Variants in SMYD3 observed in about 807,000 individuals in gnomAD.
The protein encoded by SMYD3 is histone-lysine N-methyltransferase SMYD3.
SMYD3 carries 36 observed loss-of-function variants against 57.7 expected under a neutral mutation model. The ratio of observed to expected loss-of-function variants is 0.62; its 90% CI spans 0.48 to 0.82. SMYD3 has a LOEUF of 0.82. Among genes scored for constraint, SMYD3 ranks in the 40% least tolerant of loss-of-function variants. The pLI, the probability that SMYD3 is intolerant of heterozygous loss-of-function variation, is 0.00. For missense variants in SMYD3, 515 were observed against 538.8 expected, an observed-to-expected ratio of 0.96 and a Z score of 0.44; for synonymous variants, 211 against 195.0, an observed-to-expected ratio of 1.08 and a Z score of -0.68.
At chr1:246,104,899 A>G (rs1188444661) in intron 5 of SMYD3, among the ~76,000 whole-genome samples, 1 of 152,200 alleles carries the variant, frequency 6.6e-6, no homozygotes, top group Non-Finnish European at 1.5e-5. Flanking sequence ...GCTGGAGAGC[A>G]GAGCAATGAA....
Position 246,304,042 on chromosome 1 carries a change from C to A in SMYD3, c.531+23159G>T, listed in dbSNP as rs527609722. On this transcript the variant is annotated intron_variant, in intron 5 of 11. Coordinates refer to ENST00000490107, the MANE Select transcript of SMYD3 (RefSeq NM_001167740.2). ...GGATATTCAATGATAGTCTACTAAC[C>A]TAAAAACAAAATATAACATCACAAA... 1.2e-4 allele frequency among the ~76,000 whole-genome samples: 18 copies of A among 152,176 alleles called. No individual in the cohort carries two copies. The South Asian group carries it at 3.5e-3, about 30-fold the overall frequency.
chr1:246,395,619 T>C (rs61839769), intron 1 of SMYD3, among the ~76,000 whole-genome samples: 1 of 28,598 alleles, frequency 3.5e-5, no homozygotes. Flanking sequence ...CCACCATGGC[T>C]GGACAGGGAA....
intron 5 of SMYD3, among the ~76,000 whole-genome samples, chr1:246,028,331 A>G (rs1254038886): frequency 6.6e-6 from 1 of 152,230 alleles, no homozygotes; most frequent in Non-Finnish European, 1.5e-5. Flanking sequence ...ATAATCCTAT[A>G]TACAGAAAAA....
intron 5 of SMYD3, among the ~76,000 whole-genome samples, chr1:246,044,925 G>A (rs1486682198): frequency 2.0e-5 from 3 of 152,006 alleles, no homozygotes. Context: ...AACTTACAAG[G>A]GATGTGAAGG....
intron 10 of SMYD3, among the ~76,000 whole-genome samples, chr1:245,817,274 C>A (rs546104423): frequency 1.3e-4 from 18 of 143,456 alleles, no homozygotes; most frequent in Non-Finnish European, 2.4e-4. Flanking sequence ...GAGGCACCCC[C>A]CAGCAGGGGC....
chr1:246,213,786 C>T (rs1315267339), intron 5 of SMYD3, among the ~76,000 whole-genome samples: 2 of 152,168 alleles, frequency 1.3e-5, no homozygotes, highest in Non-Finnish European at 2.9e-5. Flanking sequence ...GAGTAAATCC[C>T]AGTTTTAAAC....
chr1:246,322,529 A>C (rs569244832), intron 5 of SMYD3: 3 of 152,258 alleles, frequency 2.0e-5, no homozygotes, highest in Admixed American at 6.5e-5. Context: ...GCAGAGATGA[A>C]ATTGGCCTTT....
chr1:246,083,585 T>C (rs1374221350), intron 5 of SMYD3, among the ~76,000 whole-genome samples: 1 of 152,150 alleles, frequency 6.6e-6, no homozygotes, highest in Non-Finnish European at 1.5e-5. Flanking sequence ...AAGTCTCTCG[T>C]TCCACCCAAC....
intron 1 of SMYD3, among the ~76,000 whole-genome samples, chr1:246,438,424 G>A (rs558407072): frequency 6.6e-6 from 1 of 152,212 alleles, no homozygotes; most frequent in South Asian, 2.1e-4. Flanking sequence ...GAGACAAGTG[G>A]AGTAAGACAC....
chr1:246,163,421 T>C (rs556630728), intron 5 of SMYD3, among the ~76,000 whole-genome samples: 2 of 152,376 alleles, frequency 1.3e-5, no homozygotes, highest in African/African-American at 4.8e-5. Flanking sequence ...TTTAATTTTA[T>C]AGGCTTATAC....
chr1:245,904,261 C>T (rs555862540), intron 8 of SMYD3, among the ~76,000 whole-genome samples: 1 of 152,158 alleles, frequency 6.6e-6, no homozygotes, highest in Non-Finnish European at 1.5e-5. Context: ...CTTTGCTCTT[C>T]GTTTTCTCTC....
intron 1 of SMYD3, among the ~76,000 whole-genome samples, chr1:246,466,652 C>G (rs901264963): frequency 6.6e-6 from 1 of 152,062 alleles, no homozygotes; most frequent in African/African-American, 2.4e-5. Flanking sequence ...TATAAAAAAC[C>G]TGCACACGTA....
At chr1:245,797,625 G>A (rs1395381561) in intron 10 of SMYD3, among the ~76,000 whole-genome samples, 2 of 151,832 alleles carry the variant, frequency 1.3e-5, no homozygotes, top group Non-Finnish European at 2.9e-5. Context: ...GTATACATAT[G>A]TAACAAACCT....
intron 10 of SMYD3, among the ~76,000 whole-genome samples, chr1:245,831,103 T>G (rs986925981): frequency 3.6e-4 from 55 of 152,224 alleles, no homozygotes; most frequent in African/African-American, 1.3e-3. Flanking sequence ...GAAATCCGGT[T>G]CCACGTTTGT....
intron 10 of SMYD3, among the ~76,000 whole-genome samples, chr1:245,844,646 T>C (rs2050573888): frequency 1.3e-5 from 2 of 150,946 alleles, no homozygotes; most frequent in Admixed American, 1.3e-4. Context: ...CCAAGAACGC[T>C]AACGGCCTGC....
At chr1:246,080,235 G>A (rs993464823) in intron 5 of SMYD3, among the ~76,000 whole-genome samples, 2 of 151,984 alleles carry the variant, frequency 1.3e-5, no homozygotes, top group Non-Finnish European at 2.9e-5. Flanking sequence ...GGCGAGTGGC[G>A]GGTGAGCAGG....
chr1:245,768,904 T>A (rs2046226985), intron 10 of SMYD3, among the ~76,000 whole-genome samples: 1 of 152,024 alleles, frequency 6.6e-6, no homozygotes, highest in Non-Finnish European at 1.5e-5. Context: ...AAAAAAAAAA[T>A]TCTGTTCTTG....
intron 5 of SMYD3, among the ~76,000 whole-genome samples, chr1:246,017,272 C>G (rs2059394041): frequency 6.6e-6 from 1 of 151,988 alleles, no homozygotes; most frequent in Non-Finnish European, 1.5e-5. Context: ...ACACAATGGC[C>G]CATCACCTCC....
In SMYD3 at chr1:245,879,683, A is replaced by G. The variant is rs112753476; in HGVS notation, c.814-15797T>C. Among the ~76,000 whole-genome samples the G allele has an allele frequency of 3.5e-3, 539 of 152,340 alleles. 5 individuals are homozygous for G. The highest frequency in any genetic ancestry group is 0.012 in the African/African-American group (513 of 41,584). On this transcript the variant is annotated intron_variant, in intron 8 of 11. Coordinates refer to ENST00000490107, the MANE Select transcript of SMYD3 (RefSeq NM_001167740.2). ...AATTCCAGCTGAACTATATTCCAGG[A>G]CAGTGAAAGAACTTGGAAAATATGG...
Sources: allele counts gnomAD v4.1 joint callset (sites outside exome capture counted in the v4.1 genomes callset), GRCh38; gene constraint gnomAD v4.1.1; transcripts MANE v1.5; gene names NCBI Gene and HGNC (gene_info 2026-07-23, HGNC 2026-07-21).